SLC5A4: variants seen among roughly 807,000 people sequenced by gnomAD.
SLC5A4 encodes the protein probable glucose sensor protein SLC5A4.
SLC5A4 carries 55 observed loss-of-function variants against 70.3 expected under a neutral mutation model. The observed-to-expected ratio is 0.78, with a 90% CI of 0.63 to 0.98. The LOEUF is 0.98. Among genes scored for constraint, SLC5A4 ranks in the 50% least tolerant of loss-of-function variants. The pLI, the probability that SLC5A4 is intolerant of heterozygous loss-of-function variation, is 0.00. For synonymous variants in SLC5A4, 268 were observed against 305.7 expected (o/e 0.88, Z 1.29); for missense variants, 735 against 839.2 (o/e 0.88, Z 1.53).
At chr22:32,293,452 C>T in the SLC5A4 span, among the ~76,000 whole-genome samples, 1 of 152,096 alleles carries the variant, frequency 6.6e-6, no homozygotes, top group African/African-American at 2.4e-5. Flanking sequence ...TTTTCTTTTA[C>T]TGTTATTGCA....
chr22:32,231,105 G>T, intron 9 of SLC5A4, 30 bp from the exon 10 acceptor site: 2 of 1,418,024 alleles, frequency 1.4e-6, no homozygotes, highest in African/African-American at 1.4e-5. Context: ...TGAGTCCAAT[G>T]AGGCCCAAAT....
At chr22:32,288,761 G>T in the SLC5A4 span, among the ~76,000 whole-genome samples, 1 of 151,992 alleles carries the variant, frequency 6.6e-6, no homozygotes. Context: ...GGTCAGGTTG[G>T]TCTCGAACTC....
chr22:32,316,117 A>AG, the SLC5A4 span, among the ~76,000 whole-genome samples: 1 of 151,792 alleles, frequency 6.6e-6, no homozygotes, highest in South Asian at 2.1e-4. Context: ...TGAAAAAAAA[A>AG]AAAAAAAAGG....
chr22:32,298,889 T>G, the SLC5A4 span, among the ~76,000 whole-genome samples: 4 of 101,446 alleles, frequency 3.9e-5, no homozygotes, highest in Non-Finnish European at 6.1e-5. Context: ...GTCTGTAAAG[T>G]ATTTTATTTC....
the SLC5A4 span, among the ~76,000 whole-genome samples, chr22:32,337,585 G>A: frequency 4.6e-5 from 7 of 152,184 alleles, no homozygotes; most frequent in Admixed American, 4.6e-4. Context: ...CCACAGTAGT[G>A]TTCACAGACC....
the SLC5A4 span, among the ~76,000 whole-genome samples, chr22:32,338,302 C>T: frequency 5.6e-4 from 85 of 152,120 alleles, no homozygotes; most frequent in East Asian, 1.7e-3. Context: ...GGGCAACTCA[C>T]GAGAGGAAAT....
chr22:32,278,616 G>C, the SLC5A4 span, among the ~76,000 whole-genome samples: 2 of 152,104 alleles, frequency 1.3e-5, no homozygotes, highest in African/African-American at 4.8e-5. Context: ...ACAAATATTT[G>C]AACTGTGACG....
chr22:32,225,175 CAATT>C (rs1339768090), intron 12 of SLC5A4, among the ~76,000 whole-genome samples: 1 of 152,156 alleles, frequency 6.6e-6, no homozygotes, highest in Non-Finnish European at 1.5e-5. Flanking sequence ...CCACAATAAT[CAATT>C]AATTACATAT....
At chr22:32,249,749 C>G (rs914824463) in intron 3 of SLC5A4, among the ~76,000 whole-genome samples, 1 of 152,174 alleles carries the variant, frequency 6.6e-6, no homozygotes, top group African/African-American at 2.4e-5. Context: ...GACAAAAGAA[C>G]AGAAAAACTC....
chr22:32,260,951 T>C, the SLC5A4 span, among the ~76,000 whole-genome samples: 1 of 151,896 alleles, frequency 6.6e-6, no homozygotes, highest in African/African-American at 2.4e-5. Context: ...CGGGCTCCTG[T>C]AATCCCAGCT....
chr22:32,229,071 G>C, intron 11 of SLC5A4, 123 bp downstream of exon 11: 1 of 855,770 alleles, frequency 1.2e-6, no homozygotes. Context: ...GTACTCCAAT[G>C]TCTCTTCCCT....
At chr22:32,330,970 C>CTGTGGGTTGT in the SLC5A4 span, among the ~76,000 whole-genome samples, 1 of 2,118 alleles carries the variant, frequency 4.7e-4, no homozygotes, top group Non-Finnish European at 9.4e-4. Context: ...GTGTTGGGGG[C>CTGTGGGTTGT]ACTGGTGTGT....
the SLC5A4 span, among the ~76,000 whole-genome samples, chr22:32,300,127 C>T: frequency 3.3e-5 from 5 of 151,872 alleles, no homozygotes; most frequent in African/African-American, 9.7e-5. Context: ...TGCCCTGCCA[C>T]CAGAGGTGGA....
At chr22:32,272,675 C>A in the SLC5A4 span, 3 of 553,196 alleles carry the variant, frequency 5.4e-6, no homozygotes, top group Admixed American at 5.6e-5. Context: ...GTTTTGGGGG[C>A]ATGTGCCTGC....
intron 7 of SLC5A4, among the ~76,000 whole-genome samples, chr22:32,236,536 A>G (rs776345706): frequency 5.3e-5 from 8 of 152,328 alleles, no homozygotes; most frequent in Non-Finnish European, 8.8e-5. Flanking sequence ...ACTAATATTC[A>G]GTTCTCAAAT....
At chr22:32,253,067 T>C (rs1927266159) in intron 2 of SLC5A4, among the ~76,000 whole-genome samples, 1 of 152,236 alleles carries the variant, frequency 6.6e-6, no homozygotes, top group Non-Finnish European at 1.5e-5. Context: ...CAATGTCTGA[T>C]TGGATGTCCC....
chr22:32,308,024 G>A, the SLC5A4 span, among the ~76,000 whole-genome samples: 1 of 152,160 alleles, frequency 6.6e-6, no homozygotes, highest in Non-Finnish European at 1.5e-5. Flanking sequence ...ACATTGATAA[G>A]ACATGTTCCC....
chr22:32,253,345 G>T (rs1185690884), intron 2 of SLC5A4, among the ~76,000 whole-genome samples: 2 of 152,210 alleles, frequency 1.3e-5, no homozygotes, highest in Non-Finnish European at 2.9e-5. Context: ...AGAATCAAGA[G>T]GCATCAGCAT....
the SLC5A4 span, among the ~76,000 whole-genome samples, chr22:32,300,005 T>G: frequency 7.4e-6 from 1 of 134,250 alleles, no homozygotes; most frequent in Non-Finnish European, 1.6e-5. Context: ...GGAGGCAGTC[T>G]GCCCGTTCTC....
Sources: gnomAD v4.1 joint callset for allele counts (sites outside exome capture counted in the v4.1 genomes callset) on GRCh38, gnomAD v4.1.1 for gene constraint, MANE v1.5 for transcripts, NCBI Gene and HGNC (gene_info 2026-07-23, HGNC 2026-07-21) for gene names.